Variants in L3MBTL4 observed in about 807,000 individuals in gnomAD.
The protein encoded by L3MBTL4 is L3MBTL histone methyl-lysine binding protein 4.
Under a neutral mutation model 84.5 loss-of-function variants are expected in L3MBTL4, and 70 were observed. The observed-to-expected ratio is 0.83, with a 90% CI of 0.68 to 1.01. The LOEUF is 1.01. Among genes scored for constraint, L3MBTL4 ranks in the 50% least tolerant of loss-of-function variants. L3MBTL4 has a pLI of 0.00. For synonymous variants in L3MBTL4, 274 were observed against 259.8 expected (o/e 1.05, Z -0.52); for missense variants, 715 against 754.8 (o/e 0.95, Z 0.62).
At chr18:6,365,791 A>G (rs2053909910) in intron 1 of L3MBTL4, among the ~76,000 whole-genome samples, 1 of 152,254 alleles carries the variant, frequency 6.6e-6, no homozygotes, top group Admixed American at 6.5e-5. Context: ...TTTTCAAATT[A>G]TCACTAGTTC....
At chr18:6,413,260 G>A (rs1481377733) in intron 1 of L3MBTL4, among the ~76,000 whole-genome samples, 1 of 152,176 alleles carries the variant, frequency 6.6e-6, no homozygotes, top group African/African-American at 2.4e-5. Context: ...ATATTGTACA[G>A]CAAAGTGCTA....
chr18:6,008,236 G>A (rs8096527), intron 16 of L3MBTL4, among the ~76,000 whole-genome samples: 4,208 of 152,174 alleles, frequency 0.028, 211 homozygotes, highest in African/African-American at 0.098. Context: ...TCCACACTCC[G>A]CTCTGTAACT....
intron 14 of L3MBTL4, among the ~76,000 whole-genome samples, chr18:6,102,427 G>GCCAT (rs2058863812): frequency 6.6e-6 from 1 of 152,110 alleles, no homozygotes. Context: ...CCCCTATTTA[G>GCCAT]CCATCCCAGG....
intron 16 of L3MBTL4, among the ~76,000 whole-genome samples, chr18:6,026,316 T>C (rs1598471932): frequency 6.6e-6 from 1 of 152,212 alleles, no homozygotes; most frequent in East Asian, 1.9e-4. Flanking sequence ...TTTCCTTAGT[T>C]AAAATATTTT....
At position 5,992,769 on chromosome 18, in the gene L3MBTL4, C is replaced by T. The variant is rs531003785; in HGVS notation, c.1445-23207G>A. Among the ~76,000 whole-genome samples the T allele has an allele frequency of 4.6e-5, 7 of 152,314 alleles. No homozygotes were observed. The South Asian group carries it at 6.2e-4, about 14-fold the overall frequency. Reference sequence around the variant, plus strand: ...TAATGTGACATGTCTGCTCCCACTTCGCCTTCCGCCATGAGTAAAAGCTCC... The same window carrying T: ...TAATGTGACATGTCTGCTCCCACTTTGCCTTCCGCCATGAGTAAAAGCTCC... On this transcript the variant is annotated intron_variant, in intron 16 of 18. Transcript: ENST00000317931.
intron 17 of L3MBTL4, among the ~76,000 whole-genome samples, chr18:5,964,650 G>C (rs747726657): frequency 3.9e-5 from 6 of 152,174 alleles, no homozygotes; most frequent in Non-Finnish European, 8.8e-5. Flanking sequence ...CATTTAGGGA[G>C]CACTTGGTTG....
At chr18:5,993,990 C>T (rs2053825256) in intron 16 of L3MBTL4, among the ~76,000 whole-genome samples, 1 of 152,188 alleles carries the variant, frequency 6.6e-6, no homozygotes, top group Non-Finnish European at 1.5e-5. Flanking sequence ...CGGTCCCAAA[C>T]AAAATCACCA....
At chr18:6,229,581 G>T (rs138023148) in intron 10 of L3MBTL4, among the ~76,000 whole-genome samples, 1 of 151,950 alleles carries the variant, frequency 6.6e-6, no homozygotes, top group East Asian at 1.9e-4. Context: ...TTTTCTCTAC[G>T]TTTTCTTTTA....
intron 4 of L3MBTL4, among the ~76,000 whole-genome samples, chr18:6,292,646 C>T (rs567301647): frequency 2.0e-5 from 3 of 152,252 alleles, no homozygotes; most frequent in Admixed American, 6.5e-5. Context: ...GTCACCAATA[C>T]TTTCAGAAAC....
In L3MBTL4 at chr18:6,190,980, G is replaced by T. The variant is rs1599080124; in HGVS notation, c.982-19038C>A. Among the ~76,000 whole-genome samples, 8 of 152,164 alleles carry T rather than the reference G, an allele frequency of 5.3e-5. 2 individuals carry two copies. The South Asian group carries it at 1.7e-3, about 32-fold the overall frequency. ...CTGGAGTAGACAGCACATGGGAAAA[G>T]GCGGTAAGAGTTAAGGTCAGAGGGG... On this transcript the variant is annotated intron_variant, in intron 12 of 18. Coordinates refer to ENST00000317931, the MANE Select transcript of L3MBTL4 (RefSeq NM_001330559.2).
At chr18:6,050,952 G>A (rs2056817815) in intron 16 of L3MBTL4, among the ~76,000 whole-genome samples, 1 of 152,120 alleles carries the variant, frequency 6.6e-6, no homozygotes, top group African/African-American at 2.4e-5. Context: ...CAGGTCTCTG[G>A]GGAAGCCGAT....
Position 6,070,570 on chromosome 18 carries a change from A to T in L3MBTL4, c.1444+10311T>A, listed in dbSNP as rs535126021. On this transcript the variant is annotated intron_variant, in intron 16 of 18. Transcript: ENST00000317931. ...CAGTGGCTCATGTGTGTAATCCCAC[A>T]CTTTGGGAGGTCAAAGTGGGCAGAT... is the stretch of plus-strand genomic sequence containing the variant. Among the ~76,000 whole-genome samples, 19 of 150,518 alleles carry T rather than the reference A, an allele frequency of 1.3e-4. No individual in the cohort carries two copies. The South Asian group carries it at 2.9e-3, about 23-fold the overall frequency.
intron 16 of L3MBTL4, chr18:6,029,858 T>C (rs1051060291): frequency 4.1e-6 from 4 of 985,008 alleles, no homozygotes; most frequent in Middle Eastern, 5.2e-4. Context: ...TAGAATAGGA[T>C]AGATTCACAC....
intron 16 of L3MBTL4, among the ~76,000 whole-genome samples, chr18:6,064,743 T>A (rs1384381346): frequency 6.6e-6 from 1 of 152,030 alleles, no homozygotes; most frequent in African/African-American, 2.4e-5. Context: ...ATCTAGGAGC[T>A]TTTTGGATGA....
Position 6,246,908 on chromosome 18 carries a change from A to G in L3MBTL4, c.220-2320T>C, listed in dbSNP as rs576413135. On this transcript the variant is annotated intron_variant, in intron 5 of 18. Coordinates refer to ENST00000317931, the MANE Select transcript of L3MBTL4 (RefSeq NM_001330559.2). ...GACAGAGTGAAACTCCAACTAAAAA[A>G]AAAAAAATTATTCCACTGGGAAATT... 6.6e-5 allele frequency among the ~76,000 whole-genome samples: 10 copies of G among 152,306 alleles called. No homozygotes were observed. In the South Asian group the frequency reaches 8.3e-4, roughly 13 times the overall value.
intron 1 of L3MBTL4, among the ~76,000 whole-genome samples, chr18:6,339,523 G>A (rs1435286182): frequency 6.6e-6 from 1 of 152,070 alleles, no homozygotes; most frequent in Non-Finnish European, 1.5e-5. Context: ...GCCTTAAATG[G>A]ATTATCATCA....
At chr18:6,103,138 C>G (rs1008305646) in intron 14 of L3MBTL4, among the ~76,000 whole-genome samples, 1 of 152,156 alleles carries the variant, frequency 6.6e-6, no homozygotes, top group African/African-American at 2.4e-5. Context: ...TGGAGAAGAT[C>G]TGATGAATAG....
In L3MBTL4 at chr18:5,967,770, G is replaced by T. The variant is rs569674953; in HGVS notation, c.1614+1623C>A. 2.6e-5 allele frequency among the ~76,000 whole-genome samples: 4 copies of T among 152,362 alleles called. No individual in the cohort carries two copies. In the East Asian group the frequency reaches 7.7e-4, roughly 29 times the overall value. On this transcript the variant is annotated intron_variant, in intron 17 of 18. Transcript: ENST00000317931. ...GCTGCTGGCAGTGGGCAGAGTGGGAGAAGGCGGGACTGTTTGAGTGTAAGA... is the reference window on the plus strand; with the variant it reads ...GCTGCTGGCAGTGGGCAGAGTGGGATAAGGCGGGACTGTTTGAGTGTAAGA...
At chr18:6,129,829 T>C (rs917891626) in intron 14 of L3MBTL4, among the ~76,000 whole-genome samples, 2 of 152,204 alleles carry the variant, frequency 1.3e-5, no homozygotes, top group African/African-American at 2.4e-5. Flanking sequence ...TTTTGAAAAG[T>C]GCTTTTAGGC....
Sources: allele counts gnomAD v4.1 joint callset (sites outside exome capture counted in the v4.1 genomes callset), GRCh38; gene constraint gnomAD v4.1.1; transcripts MANE v1.5; gene names NCBI Gene and HGNC (gene_info 2026-07-23, HGNC 2026-07-21).